Variants in CNTN2 observed in about 807,000 individuals in gnomAD.
The protein encoded by CNTN2 is contactin 2, also known as contactin-2.
CNTN2 carries 53 observed loss-of-function variants against 117.5 expected under a neutral mutation model. The ratio of observed to expected loss-of-function variants is 0.45; its 90% CI spans 0.36 to 0.57. The LOEUF (loss-of-function observed/expected upper bound fraction) is 0.57. Among genes scored for constraint, CNTN2 ranks in the 20% least tolerant of loss-of-function variants. The probability of loss-of-function intolerance (pLI) is 0.00; values close to 1 mark genes in which losing one functional copy is unlikely to be tolerated. For synonymous variants in CNTN2, 530 were observed against 561.7 expected (o/e 0.94, Z 0.80); for missense variants, 1,106 against 1,404.3 (o/e 0.79, Z 3.39).
chr1:205,061,748 G>T lies in CNTN2; in HGVS notation c.974-117G>T. On this transcript the variant is annotated intron_variant, in intron 8 of 22. Transcript: ENST00000331830. This position sits in a 1 kb window ranked among gnomAD's most constrained non-coding sequence, Gnocchi z 4.8. ...CTCTTTGTCCTCTCCATCTCAGAAT[G>T]CTCATGGCGCCCTCTGCTGTCTGGC... The T allele has an allele frequency of 7.7e-7, 1 of 1,306,694 alleles. No individual in the cohort carries two copies. Among genetic ancestry groups the T allele is most frequent in the Non-Finnish European group, 1.0e-6 (1 of 962,352 alleles). 80.9% of individuals were successfully genotyped at this position (1,306,694 alleles called of 1,614,324 possible).
chr1:205,056,382 T>C (rs1653609458), intron 2 of CNTN2, among the ~76,000 whole-genome samples: 1 of 152,272 alleles, frequency 6.6e-6, no homozygotes, highest in South Asian at 2.1e-4. Context: ...GATGATGCCG[T>C]CACCGCCCGC....
chr1:205,065,940 C>A lies in CNTN2; in HGVS notation c.1816+31C>A. ...GGGTTTCCCACCTCTACCCCTACCC[C>A]AACTCCCTTAAAACCCAGCTGGGCT... is the stretch of plus-strand genomic sequence containing the variant. On this transcript the variant is annotated intron_variant, in intron 14 of 22. Coordinates refer to ENST00000331830, the MANE Select transcript of CNTN2 (RefSeq NM_005076.5). This position sits in a 1 kb window ranked among gnomAD's most constrained non-coding sequence, Gnocchi z 4.1. The A allele has an allele frequency of 6.3e-7, 1 of 1,584,370 alleles. No individual in the cohort carries two copies. Among genetic ancestry groups the A allele is most frequent in the Non-Finnish European group, 8.6e-7 (1 of 1,164,510 alleles).
At position 205,075,162 on chromosome 1, in the gene CNTN2, C is replaced by T; in HGVS notation, c.*1397C>T. The T allele has an allele frequency of 2.8e-6, 1 of 359,126 alleles. No homozygotes were observed. The highest frequency in any genetic ancestry group is 5.0e-6 in the Non-Finnish European group (1 of 201,418). The allele number at this position is 359,126 out of a possible 1,614,324, so 22.2% of individuals were successfully genotyped here. A position where few individuals can be genotyped will look rare whatever the true frequency, so the allele number is the denominator to read the frequency against. ...TTTCTGTTCAAGGCTGTTTGTCTAC[C>T]CAGAGGAAGGAGGCACTGCTGAATG... On this transcript the variant is annotated 3_prime_UTR_variant, in exon 23 of 23. Coordinates refer to ENST00000331830, the MANE Select transcript of CNTN2 (RefSeq NM_005076.5).
chr1:205,044,421 C>G (rs1047637645), intron 1 of CNTN2, among the ~76,000 whole-genome samples: 1 of 150,872 alleles, frequency 6.6e-6, no homozygotes, highest in East Asian at 1.9e-4. Context: ...GACGGGCACC[C>G]TCTAGCCCCA....
At position 205,069,837 on chromosome 1, in the gene CNTN2, G is replaced by C. The variant is rs200101585; in HGVS notation, c.2207G>C (p.Arg736Pro). The C allele has an allele frequency of 1.9e-6, 3 of 1,613,540 alleles. No individual in the cohort carries two copies. Among genetic ancestry groups the C allele is most frequent in the East Asian group, 2.2e-5 (1 of 44,866 alleles). ...GCTCTTGCCCCTCAGCCCATGTCAC[G>C]GGAGTACCAGAACGGAGACGGCTTC... ...ELIVNWTPMS[R>P]EYQNGDGFGY... The change falls in exon 18 of 23, where the codon CGG becomes CCG. Residue 736 changes from arginine (R) to proline (P), a missense_variant. Coordinates refer to ENST00000331830, the MANE Select transcript of CNTN2 (RefSeq NM_005076.5).
intron 10 of CNTN2, among the ~76,000 whole-genome samples, 196 bp from the exon 11 acceptor site, chr1:205,064,126 A>AGGGGGGGGGGGGGGGGGGGGGGGG (rs11329962): frequency 1.1e-5 from 1 of 94,372 alleles, no homozygotes; most frequent in Non-Finnish European, 2.5e-5. Flanking sequence ...TGAGGGGCGG[A>AGGGGGGGGGGGGGGGGGGGGGGGG]GGGGGGGCGC....
chr1:205,043,587 C>T (rs1191344854), intron 1 of CNTN2, among the ~76,000 whole-genome samples, 193 bp downstream of exon 1: 2 of 152,188 alleles, frequency 1.3e-5, no homozygotes, highest in East Asian at 3.9e-4. Flanking sequence ...GGCTCCCCTC[C>T]GCCCTGTCTA....
chr1:205,051,554 GT>G, intron 1 of CNTN2, among the ~76,000 whole-genome samples: 1 of 152,162 alleles, frequency 6.6e-6, no homozygotes, highest in South Asian at 2.1e-4. Flanking sequence ...CACCCTGCCT[GT>G]CAATCGGAAG....
intron 1 of CNTN2, among the ~76,000 whole-genome samples, chr1:205,051,413 C>T (rs541472376): frequency 1.8e-4 from 27 of 152,312 alleles, no homozygotes; most frequent in Non-Finnish European, 3.1e-4. Flanking sequence ...AAGGGCATTA[C>T]AGGAGAGTGA....
chr1:205,071,395 C>G (rs1267534326), intron 19 of CNTN2, among the ~76,000 whole-genome samples: 1 of 152,196 alleles, frequency 6.6e-6, no homozygotes, highest in East Asian at 1.9e-4. Context: ...AGTGATAGCA[C>G]AAGTTCATTC....
Position 205,072,519 on chromosome 1 carries a change from T to A in CNTN2, c.2768T>A (p.Phe923Tyr). 1 of 1,614,208 alleles carries A rather than the reference T, an allele frequency of 6.2e-7. No individual in the cohort carries two copies. The highest frequency in any genetic ancestry group is 8.5e-7 in the Non-Finnish European group (1 of 1,180,038). The change falls in exon 21 of 23, where the codon TTC (phenylalanine) becomes TAC (tyrosine). Residue 923 changes from phenylalanine to tyrosine, a missense_variant. Transcript: ENST00000331830. ...RRPPGNISWT[F>Y]SSSSLSIKWD... is the part of the protein sequence containing the mutation. Reference sequence around the variant, plus strand: ...CCTCCTGGCAACATCTCCTGGACTTTCTCAAGCTCTAGTCTTAGCATTAAG... The same window carrying A: ...CCTCCTGGCAACATCTCCTGGACTTACTCAAGCTCTAGTCTTAGCATTAAG...
At position 205,063,921 on chromosome 1, in the gene CNTN2, T is replaced by G. The variant is rs1431726170; in HGVS notation, c.1241-401T>G. ...GAGAGAGAGAGAGAAAAAAAAAGGC[T>G]AGGTGATTGGAACATAATGAATGGG... On this transcript the variant is annotated intron_variant, in intron 10 of 22. Transcript: ENST00000331830. Among the ~76,000 whole-genome samples, 12 of 151,418 alleles carry G rather than the reference T, an allele frequency of 7.9e-5. No homozygotes were observed. The East Asian group carries it at 2.3e-3, about 29-fold the overall frequency.
intron 10 of CNTN2, chr1:205,063,665 AAAAG>A (rs4017876): frequency 0.41 from 60,509 of 147,808 alleles, 13,555 homozygotes; most frequent in East Asian, 0.87. Flanking sequence ...AAAGAAAAGA[AAAAG>A]AAAGAAAGAA....
At chr1:205,044,986 G>A (rs564039512) in intron 1 of CNTN2, among the ~76,000 whole-genome samples, 1 of 152,250 alleles carries the variant, frequency 6.6e-6, no homozygotes, top group African/African-American at 2.4e-5. Context: ...CTAATCTCCC[G>A]TGGAAGTCCT....
At chr1:205,056,239 C>T (rs1296140861) in intron 2 of CNTN2, among the ~76,000 whole-genome samples, 1 of 152,206 alleles carries the variant, frequency 6.6e-6, no homozygotes, top group Non-Finnish European at 1.5e-5. Flanking sequence ...TGCTATTGTA[C>T]TAGGTGGTTC....
At chr1:205,063,524 G>A (rs1654097879) in intron 10 of CNTN2, 1 of 152,102 alleles carries the variant, frequency 6.6e-6, no homozygotes, top group African/African-American at 2.4e-5. Context: ...AGCTACACAG[G>A]AGGCTGAGGC....
At chr1:205,055,941 T>C (rs1340294309) in intron 2 of CNTN2, among the ~76,000 whole-genome samples, 1 of 152,186 alleles carries the variant, frequency 6.6e-6, no homozygotes, top group Non-Finnish European at 1.5e-5. Context: ...AAAGTCTCCA[T>C]GGCCATCTAT....
intron 16 of CNTN2, 200 bp downstream of exon 16, chr1:205,067,450 C>T (rs1654352810): frequency 2.0e-6 from 1 of 497,690 alleles, no homozygotes. Flanking sequence ...CCAAACTCCT[C>T]ATTTAAAAAC....
rs147996676 is a variant in CNTN2, at chr1:205,074,118, T to C, written c.*353T>C. On this transcript the variant is annotated 3_prime_UTR_variant, in exon 23 of 23. Transcript: ENST00000331830. Reference sequence around the variant, plus strand: ...GCAGAGATGGCCCTCTGGGACCCTATACGGACTCCGCCACTTGAGAGCAGT... The same window carrying C: ...GCAGAGATGGCCCTCTGGGACCCTACACGGACTCCGCCACTTGAGAGCAGT... The C allele has an allele frequency of 3.3e-3, 1,759 of 537,200 alleles. 6 individuals are homozygous for C. The highest frequency in any genetic ancestry group is 3.7e-3 in the Non-Finnish European group (1,118 of 305,554). 33.3% of individuals were successfully genotyped at this position (537,200 alleles called of 1,614,324 possible).
Sources: gnomAD v4.1 joint callset for allele counts (sites outside exome capture counted in the v4.1 genomes callset) on GRCh38, gnomAD v4.1.1 for gene constraint, Gnocchi (gnomAD v3.1) non-coding constraint, MANE v1.5 for transcripts, NCBI Gene and HGNC (gene_info 2026-07-23, HGNC 2026-07-21) for gene names.